Variants in TTC28 observed in about 807,000 individuals in gnomAD.
TTC28 encodes the protein tetratricopeptide repeat domain 28, also known as tetratricopeptide repeat protein 28.
In TTC28, 61 loss-of-function variants were observed where a neutral mutation model predicts 198.0. The ratio of observed to expected loss-of-function variants is 0.31; its 90% CI spans 0.25 to 0.38. The LOEUF (loss-of-function observed/expected upper bound fraction) is 0.38, where lower values mean the gene tolerates loss of function less well. Ranked by LOEUF, TTC28 falls within the 10% of genes least tolerant of loss-of-function variation. The probability of loss-of-function intolerance (pLI) is 1.00; values close to 1 mark genes in which losing one functional copy is unlikely to be tolerated. For missense variants in TTC28, 2,678 were observed against 3,164.0 expected, an observed-to-expected ratio of 0.85 and a Z score of 3.69; for synonymous variants, 1,171 against 1,297.8, an observed-to-expected ratio of 0.90 and a Z score of 2.10.
At chr22:28,204,788 T>C (rs1355525463) in intron 5 of TTC28, among the ~76,000 whole-genome samples, 2 of 152,138 alleles carry the variant, frequency 1.3e-5, no homozygotes, top group Admixed American at 6.6e-5. Flanking sequence ...ATGTATTAAA[T>C]ACTCATAAAT....
intron 12 of TTC28, among the ~76,000 whole-genome samples, chr22:28,086,264 T>C (rs1453717590): frequency 6.6e-6 from 1 of 152,104 alleles, no homozygotes; most frequent in Non-Finnish European, 1.5e-5. Context: ...TACTTGGAAG[T>C]AAAGCTCTCC....
Position 27,985,367 on chromosome 22 carries a change from A to G in TTC28, c.5708-11T>C, listed in dbSNP as rs536301688. ...CACAGAGATCAAAACCTAGAGGAAC[A>G]AAGAATATAAGCATCTGCTTCCTTC... On this transcript the variant is annotated splice_polypyrimidine_tract_variant and intron_variant, in intron 21 of 22. Coordinates refer to ENST00000397906, the MANE Select transcript of TTC28 (RefSeq NM_001145418.2). 1.3e-4 allele frequency: 202 copies of G among 1,543,586 alleles called. 1 individual carries two copies. In the East Asian group the frequency reaches 4.4e-3, roughly 34 times the overall value.
chr22:28,399,398 T>A (rs1442669608), intron 2 of TTC28, among the ~76,000 whole-genome samples: 1 of 149,372 alleles, frequency 6.7e-6, no homozygotes, highest in Non-Finnish European at 1.5e-5. Context: ...CTCGTTGCAG[T>A]CTTGACCTCC....
intron 17 of TTC28, among the ~76,000 whole-genome samples, chr22:27,993,759 C>T (rs1937498724): frequency 6.6e-6 from 1 of 152,182 alleles, no homozygotes; most frequent in African/African-American, 2.4e-5. Flanking sequence ...CAGAAGGATT[C>T]TGTCCCTCCC....
At chr22:28,383,008 T>C (rs2046519465) in intron 2 of TTC28, among the ~76,000 whole-genome samples, 1 of 152,196 alleles carries the variant, frequency 6.6e-6, no homozygotes, top group Non-Finnish European at 1.5e-5. Flanking sequence ...ACTTGACCTA[T>C]CATTTACTCA....
chr22:28,241,246 G>A (rs926520184), intron 5 of TTC28, among the ~76,000 whole-genome samples: 16 of 152,070 alleles, frequency 1.1e-4, no homozygotes, highest in African/African-American at 3.6e-4. Flanking sequence ...GGAAAACGAG[G>A]ATCTAATCAT....
intron 14 of TTC28, 43 bp downstream of exon 14, chr22:28,014,205 T>C (rs1159487521): frequency 2.0e-6 from 3 of 1,522,426 alleles, no homozygotes; most frequent in Non-Finnish European, 1.8e-6. Context: ...GTAAGCGATG[T>C]GTTCTGATGC....
At chr22:28,143,083 G>A (rs1224782056) in intron 6 of TTC28, among the ~76,000 whole-genome samples, 1 of 152,146 alleles carries the variant, frequency 6.6e-6, no homozygotes, top group Admixed American at 6.5e-5. Flanking sequence ...ACTGAAGCAG[G>A]TCCCTTTCCC....
intron 1 of TTC28, among the ~76,000 whole-genome samples, chr22:28,642,445 C>T (rs369104547): frequency 9.0e-5 from 13 of 144,774 alleles, no homozygotes; most frequent in Non-Finnish European, 1.4e-4. Context: ...AAAAAAAAAA[C>T]AACAAAAAAA....
intron 12 of TTC28, among the ~76,000 whole-genome samples, chr22:28,032,470 C>T (rs933200761): frequency 5.3e-5 from 8 of 151,514 alleles, no homozygotes; most frequent in Non-Finnish European, 1.0e-4. Flanking sequence ...TTAAACACAG[C>T]GCAGTACCTG....
intron 1 of TTC28, among the ~76,000 whole-genome samples, chr22:28,653,864 G>T (rs933447468): frequency 6.6e-6 from 1 of 152,152 alleles, no homozygotes; most frequent in Non-Finnish European, 1.5e-5. Context: ...TAAGAGAGTA[G>T]AAGAAATTAT....
chr22:28,597,414 C>T (rs1315667401), intron 2 of TTC28, among the ~76,000 whole-genome samples: 2 of 152,142 alleles, frequency 1.3e-5, no homozygotes, highest in East Asian at 3.8e-4. Context: ...CATAATATTA[C>T]ATTGTAACAA....
intron 2 of TTC28, among the ~76,000 whole-genome samples, chr22:28,370,970 C>A (rs747495459): frequency 5.9e-5 from 9 of 152,154 alleles, no homozygotes; most frequent in Non-Finnish European, 1.0e-4. Context: ...TTGAGAAGCA[C>A]TGACACTACA....
chr22:28,572,427 A>G (rs982791672), intron 2 of TTC28, among the ~76,000 whole-genome samples: 5 of 152,218 alleles, frequency 3.3e-5, no homozygotes, highest in African/African-American at 9.6e-5. Context: ...AAATTATAGT[A>G]TATCTATGTC....
At chr22:28,585,082 CTATT>C (rs1355662211) in intron 2 of TTC28, among the ~76,000 whole-genome samples, 1 of 152,132 alleles carries the variant, frequency 6.6e-6, no homozygotes, top group Non-Finnish European at 1.5e-5. Flanking sequence ...ATTAATTACT[CTATT>C]TAACTTTTTA....
At chr22:28,381,409 A>G (rs894653197) in intron 2 of TTC28, among the ~76,000 whole-genome samples, 1 of 152,158 alleles carries the variant, frequency 6.6e-6, no homozygotes, top group Non-Finnish European at 1.5e-5. Flanking sequence ...CTGGTATAAG[A>G]TCAATGCTCA....
intron 1 of TTC28, among the ~76,000 whole-genome samples, chr22:28,662,948 T>C (rs981676010): frequency 2.6e-5 from 4 of 151,998 alleles, no homozygotes; most frequent in Non-Finnish European, 4.4e-5. Context: ...ATACACTTTT[T>C]CTAGTGATAA....
chr22:28,331,614 T>C (rs1229892933), intron 2 of TTC28, among the ~76,000 whole-genome samples: 3 of 152,164 alleles, frequency 2.0e-5, no homozygotes, highest in African/African-American at 7.2e-5. Context: ...TTCATCTTAC[T>C]TGTACACCTC....
At chr22:28,528,250 G>A (rs983829949) in intron 2 of TTC28, among the ~76,000 whole-genome samples, 2 of 152,054 alleles carry the variant, frequency 1.3e-5, no homozygotes, top group Non-Finnish European at 2.9e-5. Flanking sequence ...ACACTCTTAT[G>A]GAGTTTATAA....
Sources: gnomAD v4.1 joint callset for allele counts (sites outside exome capture counted in the v4.1 genomes callset) on GRCh38, gnomAD v4.1.1 for gene constraint, MANE v1.5 for transcripts, NCBI Gene and HGNC (gene_info 2026-07-23, HGNC 2026-07-21) for gene names.